Variants in PCDHA9 observed in about 807,000 individuals in gnomAD.
PCDHA9 encodes the protein protocadherin alpha-9.
In PCDHA9, 62 loss-of-function variants were observed where a neutral mutation model predicts 62.0. The ratio of observed to expected loss-of-function variants is 1.00; its 90% CI spans 0.81 to 1.23. The LOEUF is 1.23. Ranked by LOEUF, PCDHA9 falls within the 50% of genes most tolerant of loss-of-function variation. The probability of loss-of-function intolerance (pLI) is 0.00; values close to 1 mark genes in which losing one functional copy is unlikely to be tolerated. For missense variants in PCDHA9, 1,205 were observed against 1,249.8 expected (o/e 0.96, Z 0.54); for synonymous variants, 557 against 567.6 (o/e 0.98, Z 0.27).
chr5:140,940,158 C>T (rs1159450232), intron 1 of PCDHA9, among the ~76,000 whole-genome samples: 3 of 151,970 alleles, frequency 2.0e-5, no homozygotes, highest in African/African-American at 7.3e-5. Context: ...TTTTTGTTTG[C>T]CTGAAATGTC....
At chr5:140,856,634 C>A (rs2044123180) in intron 1 of PCDHA9, 2 of 1,597,826 alleles carry the variant, frequency 1.3e-6, no homozygotes, top group African/African-American at 1.3e-5. Flanking sequence ...GCTTGTTCTG[C>A]GGAAGCTGCT....
At chr5:140,952,301 T>C (rs246036) in intron 1 of PCDHA9, among the ~76,000 whole-genome samples, 3 of 149,380 alleles carry the variant, frequency 2.0e-5, no homozygotes. Flanking sequence ...CACAGCCATT[T>C]CACTCCAGCC....
intron 1 of PCDHA9, among the ~76,000 whole-genome samples, chr5:140,888,064 G>A (rs1353857736): frequency 6.6e-6 from 1 of 151,950 alleles, no homozygotes; most frequent in Non-Finnish European, 1.5e-5. Context: ...TAACTTTCTT[G>A]TCTGCTAATT....
Position 140,858,482 on chromosome 5 carries a change from A to G in PCDHA9, c.2394+7593A>G, listed in dbSNP as rs369228910. The G allele has an allele frequency of 2.7e-6, 4 of 1,507,654 alleles. 1 individual carries two copies. In the African/African-American group the frequency reaches 5.6e-5, roughly 21 times the overall value. 93.4% of individuals were successfully genotyped at this position (1,507,654 alleles called of 1,614,324 possible). On this transcript the variant is annotated intron_variant, in intron 1 of 3. Transcript: ENST00000532602. Reference sequence around the variant, plus strand: ...TTTCCTTTTGTGCTTTATGAATAATATTTTCTCTTACCGCATTTTCTCAAA... The same window carrying G: ...TTTCCTTTTGTGCTTTATGAATAATGTTTTCTCTTACCGCATTTTCTCAAA...
intron 1 of PCDHA9, among the ~76,000 whole-genome samples, chr5:140,886,751 G>A (rs1156754601): frequency 2.0e-5 from 3 of 151,312 alleles, no homozygotes; most frequent in African/African-American, 7.3e-5. Context: ...GCTTGAACCC[G>A]GGAGGTGGAG....
chr5:140,921,694 A>G (rs1251407999), intron 1 of PCDHA9, among the ~76,000 whole-genome samples: 1 of 152,200 alleles, frequency 6.6e-6, no homozygotes, highest in Non-Finnish European at 1.5e-5. Context: ...TGGCCACCTC[A>G]ATTTTAAACA....
chr5:140,927,634 A>G, intron 1 of PCDHA9: 1 of 1,614,184 alleles, frequency 6.2e-7, no homozygotes, highest in Non-Finnish European at 8.5e-7. Context: ...GACTGCACCC[A>G]ATGGGACTGT....
chr5:140,941,199 C>CTCCCT (rs2092799099), intron 1 of PCDHA9, among the ~76,000 whole-genome samples: 1 of 115,882 alleles, frequency 8.6e-6, no homozygotes, highest in South Asian at 2.6e-4. Flanking sequence ...TTTTTTCTTT[C>CTCCCT]TTCCTTTCTT....
chr5:140,946,613 T>A (rs1300820927), intron 1 of PCDHA9, among the ~76,000 whole-genome samples: 1 of 116,702 alleles, frequency 8.6e-6, no homozygotes, highest in South Asian at 2.6e-4. Context: ...AAATGTGAAA[T>A]ATATATATAT....
In PCDHA9 at chr5:140,883,010, A is replaced by G. The variant is rs149814661; in HGVS notation, c.2394+32121A>G. 9.8e-4 allele frequency: 1,586 copies of G among 1,614,156 alleles called. 2 individuals carry two copies. The highest frequency in any genetic ancestry group is 1.3e-3 in the Non-Finnish European group (1,478 of 1,180,036). ...CCCGGAATTTTACCAATCCGTTTAT[A>G]AAGTGACGGTGTTAGAGAACGCCTT... On this transcript the variant is annotated intron_variant, in intron 1 of 3. Coordinates refer to ENST00000532602, the MANE Select transcript of PCDHA9 (RefSeq NM_031857.2).
At chr5:140,928,143 C>T (rs983552748) in intron 1 of PCDHA9, 2 of 1,614,228 alleles carry the variant, frequency 1.2e-6, no homozygotes, top group Middle Eastern at 1.6e-4. Context: ...TGATCACGGC[C>T]TCAGATAGTG....
intron 1 of PCDHA9, among the ~76,000 whole-genome samples, chr5:140,890,775 C>T (rs1583027889): frequency 1.3e-5 from 2 of 152,158 alleles, no homozygotes; most frequent in East Asian, 3.9e-4. Context: ...TTTAAAACCC[C>T]ATAAGATATT....
intron 1 of PCDHA9, among the ~76,000 whole-genome samples, chr5:140,942,347 G>T (rs2093273719): frequency 6.6e-6 from 1 of 151,956 alleles, no homozygotes; most frequent in Non-Finnish European, 1.5e-5. Flanking sequence ...GGGAGGCGGA[G>T]GTTGCAGTTA....
intron 1 of PCDHA9, chr5:140,884,661 A>C: frequency 6.3e-7 from 1 of 1,590,384 alleles, no homozygotes; most frequent in African/African-American, 1.3e-5. Context: ...TGCTTGAAAG[A>C]GGTAAGCTTA....
intron 1 of PCDHA9, chr5:140,927,567 C>A: frequency 6.2e-7 from 1 of 1,614,180 alleles, no homozygotes; most frequent in Non-Finnish European, 8.5e-7. Context: ...TTGTGGTGGA[C>A]ACAAATGACA....
At chr5:140,865,535 T>C (rs2048909108) in intron 1 of PCDHA9, 3 of 152,192 alleles carry the variant, frequency 2.0e-5, no homozygotes, top group South Asian at 2.1e-4. Context: ...TCTTCATCCA[T>C]AGCTATAGGA....
intron 1 of PCDHA9, chr5:140,859,685 A>AT (rs1250609126): frequency 6.5e-6 from 1 of 154,692 alleles, no homozygotes; most frequent in Admixed American, 6.4e-5. Context: ...TAAAATTAAA[A>AT]TTATTGTTCA....
At chr5:141,001,811 C>T (rs1200900455) in intron 3 of PCDHA9, among the ~76,000 whole-genome samples, 1 of 152,128 alleles carries the variant, frequency 6.6e-6, no homozygotes, top group Non-Finnish European at 1.5e-5. Flanking sequence ...ATTCTACAAT[C>T]GGCCAAATTC....
At chr5:140,922,288 T>C (rs2080761283) in intron 1 of PCDHA9, among the ~76,000 whole-genome samples, 1 of 152,150 alleles carries the variant, frequency 6.6e-6, no homozygotes, top group African/African-American at 2.4e-5. Context: ...GATATGAAAA[T>C]GCTAGGAGAG....
Sources: gnomAD v4.1 joint callset for allele counts (sites outside exome capture counted in the v4.1 genomes callset) on GRCh38, gnomAD v4.1.1 for gene constraint, MANE v1.5 for transcripts, NCBI Gene and HGNC (gene_info 2026-07-23, HGNC 2026-07-21) for gene names.